Variants in LOXHD1 observed in about 807,000 individuals in gnomAD.
LOXHD1 encodes the protein lipoxygenase homology PLAT domains 1, also known as lipoxygenase homology domain-containing protein 1.
Under a neutral mutation model 248.2 loss-of-function variants are expected in LOXHD1, and 205 were observed. The ratio of observed to expected loss-of-function variants is 0.83; its 90% CI spans 0.74 to 0.93. The LOEUF (loss-of-function observed/expected upper bound fraction) is 0.93, where lower values mean the gene tolerates loss of function less well. Among genes scored for constraint, LOXHD1 ranks in the 40% least tolerant of loss-of-function variants. The pLI is 0.00. For missense variants in LOXHD1, 2,930 were observed against 2,971.6 expected (o/e 0.99, Z 0.33); for synonymous variants, 1,113 against 1,162.8 (o/e 0.96, Z 0.87).
chr18:46,557,443 T>A lies in LOXHD1; in HGVS notation c.3263A>T (p.Lys1088Met). The A allele has an allele frequency of 6.4e-7, 1 of 1,552,130 alleles. No individual in the cohort carries two copies. The highest frequency in any genetic ancestry group is 1.2e-5 in the South Asian group (1 of 84,062). ...TGTGTTGTCGTGGCGAATCCGAATC[T>A]TGGTCAGGGCCCCCAGGTCAATGGC... is the stretch of plus-strand genomic sequence containing the variant. The part of the protein sequence containing the change: ...IYAIDLGALT[K>M]IRIRHDNTGN... The change falls in exon 21 of 41, where the codon AAG (lysine) becomes ATG (methionine). Residue 1088 changes from lysine (K) to methionine (M), a missense_variant. Lys to Met is a moderately conservative substitution (Grantham distance 95, BLOSUM62 -1). Coordinates refer to ENST00000642948, the MANE Select transcript of LOXHD1 (RefSeq NM_001384474.1).
chr18:46,479,364 C>A (rs2032348615), intron 40 of LOXHD1, among the ~76,000 whole-genome samples: 1 of 151,300 alleles, frequency 6.6e-6, no homozygotes, highest in African/African-American at 2.4e-5. Flanking sequence ...TGGTCTTGGA[C>A]CAAGAAGTCC....
intron 37 of LOXHD1, 37 bp downstream of exon 37, chr18:46,505,801 C>A (rs1000435826): frequency 6.5e-7 from 1 of 1,549,132 alleles, no homozygotes; most frequent in Non-Finnish European, 8.7e-7. Flanking sequence ...GAGCTGAGGG[C>A]TGCCCTCCCA....
chr18:46,592,597 A>G lies in LOXHD1; in HGVS notation c.1432-13T>C. 2 of 1,547,436 alleles carry G rather than the reference A, an allele frequency of 1.3e-6. No individual in the cohort carries two copies. Among genetic ancestry groups the G allele is most frequent in the Non-Finnish European group, 1.7e-6 (2 of 1,143,160 alleles). On this transcript the variant is annotated splice_polypyrimidine_tract_variant and intron_variant, in intron 10 of 40. Coordinates refer to ENST00000642948, the MANE Select transcript of LOXHD1 (RefSeq NM_001384474.1). ...CCGGGAGCTCAATCTATGGTGAGAA[A>G]TAAAAACATTTGAGTGGGCATAACT...
chr18:46,549,577 G>T (rs971712419), intron 21 of LOXHD1, among the ~76,000 whole-genome samples: 1 of 152,174 alleles, frequency 6.6e-6, no homozygotes, highest in Admixed American at 6.5e-5. Context: ...CACCCAGAAG[G>T]CTGGGTGAGA....
At chr18:46,528,698 C>T (rs2144213738) in intron 29 of LOXHD1, among the ~76,000 whole-genome samples, 1 of 152,238 alleles carries the variant, frequency 6.6e-6, no homozygotes, top group South Asian at 2.1e-4. Context: ...CATATCTGAC[C>T]CTTCAATTTA....
chr18:46,603,798 T>C (rs1184990660), intron 7 of LOXHD1, among the ~76,000 whole-genome samples: 1 of 152,114 alleles, frequency 6.6e-6, no homozygotes, highest in Non-Finnish European at 1.5e-5. Context: ...TCAGGAAGAG[T>C]TCAGATCAAT....
chr18:46,630,250 C>T (rs1316570515), intron 4 of LOXHD1, among the ~76,000 whole-genome samples: 1 of 152,232 alleles, frequency 6.6e-6, no homozygotes, highest in Non-Finnish European at 1.5e-5. Context: ...CAGCTCTTGG[C>T]TTCAGAGGCC....
chr18:46,536,534 G>T (rs2144304322), intron 26 of LOXHD1, among the ~76,000 whole-genome samples: 1 of 152,260 alleles, frequency 6.6e-6, no homozygotes, highest in African/African-American at 2.4e-5. Flanking sequence ...CAAAATTACT[G>T]GCAAATTATA....
chr18:46,484,646 G>T (rs113524410), intron 39 of LOXHD1, among the ~76,000 whole-genome samples: 139 of 152,324 alleles, frequency 9.1e-4, no homozygotes, highest in Middle Eastern at 3.4e-3. Flanking sequence ...CAGAGTTAAG[G>T]GGGAGGTGGA....
At position 46,644,280 on chromosome 18, in the gene LOXHD1, A is replaced by G. The variant is rs151215727; in HGVS notation, c.246-2244T>C. On this transcript the variant is annotated intron_variant, in intron 2 of 40. Transcript: ENST00000642948. ...GGGGAAAAGGAAGGGAAGTATCCCC[A>G]TTTTTAGCCAAAGACAAGGTGTGAC... 6.0e-3 allele frequency among the ~76,000 whole-genome samples: 921 copies of G among 152,278 alleles called. 12 individuals are homozygous for G. The highest frequency in any genetic ancestry group is 0.021 in the African/African-American group (881 of 41,564).
intron 19 of LOXHD1, 35 bp downstream of exon 19, chr18:46,560,048 T>TGCCAACC: frequency 1.6e-6 from 2 of 1,226,296 alleles, no homozygotes; most frequent in Non-Finnish European, 2.3e-6. Context: ...GTCTGGCCAC[T>TGCCAACC]CCCTCCCCAC....
At chr18:46,603,131 G>A (rs1395692152) in intron 7 of LOXHD1, among the ~76,000 whole-genome samples, 2 of 152,146 alleles carry the variant, frequency 1.3e-5, no homozygotes, top group Non-Finnish European at 2.9e-5. Flanking sequence ...GCAAAAGAAG[G>A]GAGAAGTTAC....
Position 46,560,416 on chromosome 18 carries a change from G to C in LOXHD1, c.2728C>G (p.Pro910Ala), listed in dbSNP as rs1015707963. The change falls in exon 19 of 41, where the codon CCG (proline) becomes GCG (alanine). Residue 910 changes from proline (P) to alanine (A), a missense_variant. Physicochemically the swap from Pro to Ala is conservative, Grantham distance 27. Coordinates refer to ENST00000642948, the MANE Select transcript of LOXHD1 (RefSeq NM_001384474.1). Reference sequence around the variant, plus strand: ...TTCTTCTTCCGGGCCTCCTCCTCCGGCGTGAGGTCCACCTCCCGCACCACC... The same window carrying C: ...TTCTTCTTCCGGGCCTCCTCCTCCGCCGTGAGGTCCACCTCCCGCACCACC... ...HLVVREVDLT[P>A]EEEARKKKEK... 21 of 1,548,232 alleles carry C rather than the reference G, an allele frequency of 1.4e-5. No individual in the cohort carries two copies. The highest frequency in any genetic ancestry group is 1.5e-5 in the Non-Finnish European group (17 of 1,147,386).
intron 14 of LOXHD1, among the ~76,000 whole-genome samples, chr18:46,577,106 C>G (rs892463720): frequency 2.6e-5 from 4 of 152,152 alleles, no homozygotes; most frequent in African/African-American, 7.2e-5. Context: ...TGTGAATCCT[C>G]CAGACATTGC....
chr18:46,632,531 A>G (rs2038838783), intron 4 of LOXHD1, among the ~76,000 whole-genome samples: 1 of 151,986 alleles, frequency 6.6e-6, no homozygotes, highest in African/African-American at 2.4e-5. Flanking sequence ...CCATGCAGTT[A>G]CTCTGCCCCT....
At chr18:46,639,474 G>T in intron 4 of LOXHD1, 142 bp downstream of exon 4, 4 of 981,144 alleles carry the variant, frequency 4.1e-6, no homozygotes, top group Non-Finnish European at 5.8e-6. Flanking sequence ...GCTTCCCCTT[G>T]GCCCTAACCA....
intron 24 of LOXHD1, among the ~76,000 whole-genome samples, chr18:46,542,161 A>C (rs2036587555): frequency 6.6e-6 from 1 of 152,190 alleles, no homozygotes; most frequent in Non-Finnish European, 1.5e-5. Flanking sequence ...GAAATTAGTA[A>C]GAGTAAAAGA....
chr18:46,592,588 T>C lies in LOXHD1; in HGVS notation c.1432-4A>G, dbSNP rs2038192279. ...TGCCAAGATCCGGGAGCTCAATCTA[T>C]GGTGAGAAATAAAAACATTTGAGTG... On this transcript the variant is annotated splice_region_variant and splice_polypyrimidine_tract_variant and intron_variant, in intron 10 of 40. Coordinates refer to ENST00000642948, the MANE Select transcript of LOXHD1 (RefSeq NM_001384474.1). The C allele has an allele frequency of 1.2e-5, 18 of 1,550,614 alleles. No individual in the cohort carries two copies. The highest frequency in any genetic ancestry group is 1.5e-5 in the Non-Finnish European group (17 of 1,146,032).
intron 5 of LOXHD1, among the ~76,000 whole-genome samples, chr18:46,614,473 A>G (rs897816726): frequency 2.0e-5 from 3 of 152,324 alleles, no homozygotes; most frequent in African/African-American, 7.2e-5. Context: ...GCAAGGATAG[A>G]AAACCAAACA....
Sources: gnomAD v4.1 joint callset for allele counts (sites outside exome capture counted in the v4.1 genomes callset) on GRCh38, gnomAD v4.1.1 for gene constraint, MANE v1.5 for transcripts, NCBI Gene and HGNC (gene_info 2026-07-23, HGNC 2026-07-21) for gene names.